KIF1C: variants seen among roughly 807,000 people sequenced by gnomAD.
KIF1C encodes the protein kinesin family member 1C, also known as kinesin-like protein KIF1C.
In KIF1C, 61 loss-of-function variants were observed where a neutral mutation model predicts 126.5. That is an observed-to-expected ratio of 0.48 (90% CI 0.39 to 0.60). The LOEUF is 0.60. Ranked by LOEUF, KIF1C falls within the 20% of genes least tolerant of loss-of-function variation. KIF1C has a pLI of 0.00. For synonymous variants in KIF1C, 640 were observed against 580.6 expected (o/e 1.10, Z -1.47); for missense variants, 1,315 against 1,489.2 (o/e 0.88, Z 1.93).
chr17:5,010,645 G>A (rs1177183756), intron 16 of KIF1C, among the ~76,000 whole-genome samples: 1 of 151,466 alleles, frequency 6.6e-6, no homozygotes, highest in Non-Finnish European at 1.5e-5. Context: ...TACTTGGGAG[G>A]CTGAGGCAGG....
At chr17:5,000,520 C>T (rs540216776) in intron 3 of KIF1C, among the ~76,000 whole-genome samples, 168 bp downstream of exon 3, 6 of 152,088 alleles carry the variant, frequency 3.9e-5, no homozygotes, top group Non-Finnish European at 8.8e-5. Context: ...TGTTCCCAGT[C>T]CCTGGGAGGG....
chr17:5,016,495 C>T (rs766647126), intron 18 of KIF1C, among the ~76,000 whole-genome samples: 2 of 151,858 alleles, frequency 1.3e-5, no homozygotes, highest in Non-Finnish European at 2.9e-5. Context: ...TTGTGATCCA[C>T]CTGCCTCGGC....
In KIF1C at chr17:5,022,740, C is replaced by A; in HGVS notation, c.2628+31C>A. On this transcript the variant is annotated intron_variant, in intron 22 of 22. Transcript: ENST00000320785. This position sits in a 1 kb window ranked among gnomAD's most constrained non-coding sequence, Gnocchi z 4.9. ...ACTGGCCTTCTGCCTCCCTTCTCTCCTCCCTCGGCTCTTCACTTTAGGAGT... is the reference window on the plus strand; with the variant it reads ...ACTGGCCTTCTGCCTCCCTTCTCTCATCCCTCGGCTCTTCACTTTAGGAGT... 6.7e-7 allele frequency: 1 copy of A among 1,486,478 alleles called. No individual in the cohort carries two copies. The highest frequency in any genetic ancestry group is 2.3e-5 in the East Asian group (1 of 42,974). The allele number at this position is 1,486,478 out of a possible 1,614,324, so 92.1% of individuals were successfully genotyped here. A position where few individuals can be genotyped will look rare whatever the true frequency, so the allele number is the denominator to read the frequency against.
In KIF1C at chr17:5,002,533, C is replaced by T. The variant is rs185479618; in HGVS notation, c.499C>T (p.Arg167Trp). Residue 167 changes from arginine to tryptophan, a missense_variant, in exon 7 of 23, where the codon CGG (arginine) becomes TGG (tryptophan). Around this residue, in one of 2 missense-constraint regions of KIF1C, gnomAD observed 874 missense variants for 1,053.2 expected, o/e 0.83. Coordinates refer to ENST00000320785, the MANE Select transcript of KIF1C (RefSeq NM_006612.6). ...GAACCCCAAGAGTCGGGGTTCTCTGCGGGTCCGGGAGCACCCCATCCTGGG... is the reference window on the plus strand; with the variant it reads ...GAACCCCAAGAGTCGGGGTTCTCTGTGGGTCCGGGAGCACCCCATCCTGGG... ...LLNPKSRGSL[R>W]VREHPILGPY... 17 of 1,613,772 alleles carry T rather than the reference C, an allele frequency of 1.1e-5. No homozygotes were observed. In the East Asian group the frequency reaches 1.3e-4, roughly 13 times the overall value.
chr17:5,015,467 G>A (rs999842510), intron 18 of KIF1C, among the ~76,000 whole-genome samples: 2 of 151,508 alleles, frequency 1.3e-5, no homozygotes, highest in Non-Finnish European at 2.9e-5. Context: ...GTTTTTAGTA[G>A]AGACGGGGTT....
intron 21 of KIF1C, among the ~76,000 whole-genome samples, chr17:5,021,564 C>A (rs542596556): frequency 8.5e-4 from 130 of 152,166 alleles, no homozygotes; most frequent in Non-Finnish European, 1.5e-3. Context: ...ACTGCAGCCT[C>A]GAACTCCTTG....
intron 18 of KIF1C, among the ~76,000 whole-genome samples, chr17:5,017,302 T>C (rs560745212): frequency 7.0e-6 from 1 of 143,544 alleles, no homozygotes; most frequent in South Asian, 2.3e-4. Flanking sequence ...TCTTTTTTTT[T>C]TTTTTTTTTT....
intron 18 of KIF1C, among the ~76,000 whole-genome samples, chr17:5,017,967 CTTT>C (rs1423478360): frequency 1.3e-5 from 2 of 152,052 alleles, no homozygotes; most frequent in Non-Finnish European, 2.9e-5. Flanking sequence ...GTATTCCCTC[CTTT>C]TTTATTTTCA....
intron 17 of KIF1C, among the ~76,000 whole-genome samples, 165 bp downstream of exon 17, chr17:5,013,897 C>T (rs1206191658): frequency 6.6e-6 from 1 of 151,572 alleles, no homozygotes; most frequent in Admixed American, 6.6e-5. Context: ...TCAAGAGAAG[C>T]GTGCCTGCTC....
chr17:5,006,909 T>C lies in KIF1C; in HGVS notation c.1166-6T>C. 6.2e-7 allele frequency: 1 copy of C among 1,611,816 alleles called. No homozygotes were observed. The highest frequency in any genetic ancestry group is 1.1e-5 in the South Asian group (1 of 90,846). On this transcript the variant is annotated splice_region_variant and splice_polypyrimidine_tract_variant and intron_variant, in intron 13 of 22. Coordinates refer to ENST00000320785, the MANE Select transcript of KIF1C (RefSeq NM_006612.6). ...CCTCATTCTTTTTCCTCTTTCTCCC[T>C]CCCAGGCCTGAAGACGGAAGAAGGG...
chr17:5,002,723 A>G lies in KIF1C; in HGVS notation c.609-8A>G, dbSNP rs1597842139. 1 of 1,613,674 alleles carries G rather than the reference A, an allele frequency of 6.2e-7. No homozygotes were observed. Reference sequence around the variant, plus strand: ...GCAGGATCCAGTGACTGCTTTCTTTACCCTAAGGACTGTGGCTGCCACCAA... The same window carrying G: ...GCAGGATCCAGTGACTGCTTTCTTTGCCCTAAGGACTGTGGCTGCCACCAA... On this transcript the variant is annotated splice_polypyrimidine_tract_variant and splice_region_variant and intron_variant, in intron 7 of 22. Coordinates refer to ENST00000320785, the MANE Select transcript of KIF1C (RefSeq NM_006612.6).
At chr17:5,017,090 C>T (rs1209460929) in intron 18 of KIF1C, among the ~76,000 whole-genome samples, 2 of 152,036 alleles carry the variant, frequency 1.3e-5, no homozygotes, top group Non-Finnish European at 2.9e-5. Flanking sequence ...GCGGCAACCT[C>T]AAGCCATTTG....
chr17:5,006,804 CTT>C lies in KIF1C; in HGVS notation c.1166-110_1166-109del. ...GCCTGGTAGGAGGCTGACCAGCAGT[CTT>C]CTGTAGTCCTTACAGACTGGTCCTC... On this transcript the variant is annotated intron_variant, in intron 13 of 22. Coordinates refer to ENST00000320785, the MANE Select transcript of KIF1C (RefSeq NM_006612.6). 11 of 1,125,210 alleles carry C rather than the reference CTT, an allele frequency of 9.8e-6. No individual in the cohort carries two copies. The South Asian group carries it at 1.5e-4, about 15-fold the overall frequency. The allele number at this position is 1,125,210 out of a possible 1,614,324, so 69.7% of individuals were successfully genotyped here. A position where few individuals can be genotyped will look rare whatever the true frequency, so the allele number is the denominator to read the frequency against.
chr17:5,000,311 A>G lies in KIF1C; in HGVS notation c.65A>G (p.Gln22Arg). ...CCCTTTAACGCCCGTGAGACCAGCC[A>G]GGATGCCAAGTGTGTGGTCAGCATG... is the stretch of plus-strand genomic sequence containing the variant. ...VRPFNARETSQDAKCVVSMQG... is the reference protein window; with the variant it reads ...VRPFNARETSRDAKCVVSMQG... The change falls in exon 3 of 23, where the codon CAG becomes CGG. Residue 22 changes from glutamine (Q) to arginine (R), a missense_variant. Gln to Arg is a conservative substitution (Grantham distance 43, BLOSUM62 1). Transcript: ENST00000320785. 1 of 1,594,372 alleles carries G rather than the reference A, an allele frequency of 6.3e-7. No homozygotes were observed. The highest frequency in any genetic ancestry group is 8.5e-7 in the Non-Finnish European group (1 of 1,171,672).
intron 16 of KIF1C, among the ~76,000 whole-genome samples, chr17:5,009,433 G>A (rs1974811361): frequency 6.6e-6 from 1 of 151,944 alleles, no homozygotes; most frequent in African/African-American, 2.4e-5. Context: ...CCACTTCGGA[G>A]TCCCAAAGTG....
chr17:5,023,584 G>A lies in KIF1C; in HGVS notation c.2745G>A (p.Ser915=), dbSNP rs781186077. ...GCATGCCGTCAGCCCGGCCCCCCTC[G>A]CCACCACTGTCAAGCTGGGAGCGGG... ...SDRMPSARPP[S]PPLSSWERVS... Residue 915 remains serine (S), a synonymous_variant, in exon 23 of 23, where the codon TCG becomes TCA. Coordinates refer to ENST00000320785, the MANE Select transcript of KIF1C (RefSeq NM_006612.6). The surrounding 1 kb of genome is among the most constrained non-coding windows in gnomAD (Gnocchi z 4.2). 9.9e-6 allele frequency: 16 copies of A among 1,613,314 alleles called. No individual in the cohort carries two copies. Among genetic ancestry groups the A allele is most frequent in the East Asian group, 8.9e-5 (4 of 44,860 alleles).
chr17:5,009,848 T>G (rs978046505), intron 16 of KIF1C, among the ~76,000 whole-genome samples: 1 of 151,944 alleles, frequency 6.6e-6, no homozygotes, highest in Admixed American at 6.6e-5. Flanking sequence ...TTATAACACA[T>G]GTACAGGCAT....
In KIF1C at chr17:5,002,862, C is replaced by CA. The variant is rs376247722; in HGVS notation, c.720+21dup. ...GAGAAGGTGGGATCGCCCCCCCCCC[C>CA]ACTCCCCCACCGGATGCAACCTCCC... On this transcript the variant is annotated intron_variant, in intron 8 of 22. Coordinates refer to ENST00000320785, the MANE Select transcript of KIF1C (RefSeq NM_006612.6). The CA allele has an allele frequency of 5.4e-6, 8 of 1,484,516 alleles. No homozygotes were observed. The East Asian group carries it at 1.4e-4, about 26-fold the overall frequency. The allele number at this position is 1,484,516 out of a possible 1,614,324, so 92.0% of individuals were successfully genotyped here.
chr17:5,013,663 T>C lies in KIF1C; in HGVS notation c.1502T>C (p.Leu501Pro), dbSNP rs1382210749. ...TCTCTCCCCGCTTAGACTCCCCACC[T>C]GGTGAACCTGAACGAAGACCCTCTG... is the stretch of plus-strand genomic sequence containing the variant. ...GVFSPKKTPH[L>P]VNLNEDPLMS... is the part of the protein sequence containing the mutation. The change falls in exon 17 of 23, where the codon CTG becomes CCG. Residue 501 changes from leucine (L) to proline (P), a missense_variant. Leu to Pro is a moderately conservative substitution (Grantham distance 98). Coordinates refer to ENST00000320785, the MANE Select transcript of KIF1C (RefSeq NM_006612.6). 1 of 1,613,628 alleles carries C rather than the reference T, an allele frequency of 6.2e-7. No homozygotes were observed. Among genetic ancestry groups the C allele is most frequent in the Non-Finnish European group, 8.5e-7 (1 of 1,179,624 alleles).
Sources: gnomAD v4.1 joint callset for allele counts (sites outside exome capture counted in the v4.1 genomes callset) on GRCh38, gnomAD v4.1.1 for gene constraint, gnomAD v4.1.1 regional missense constraint, Gnocchi (gnomAD v3.1) non-coding constraint, MANE v1.5 for transcripts, NCBI Gene and HGNC (gene_info 2026-07-23, HGNC 2026-07-21) for gene names.